The following MALRD1 variants were observed in gnomAD, a reference collection of about 807,000 sequenced individuals.
MALRD1 encodes the protein MAM and LDL-receptor class A domain-containing protein 1.
In MALRD1, 247 loss-of-function variants were observed where a neutral mutation model predicts 242.1. The observed-to-expected ratio is 1.02, with a 90% CI of 0.92 to 1.13. The LOEUF (loss-of-function observed/expected upper bound fraction) is 1.13. MALRD1 is among the 50% of genes most tolerant of loss of function. MALRD1 has a pLI of 0.00. For missense variants in MALRD1, 2,989 were observed against 2,533.1 expected (o/e 1.18, Z -3.86); for synonymous variants, 995 against 866.6 (o/e 1.15, Z -2.60).
intron 32 of MALRD1, among the ~76,000 whole-genome samples, chr10:19,560,420 T>C (rs568972055): frequency 1.4e-4 from 21 of 152,102 alleles, no homozygotes; most frequent in African/African-American, 5.1e-4. Flanking sequence ...GTGAGCCAAG[T>C]CTGCACCACT....
intron 38 of MALRD1, among the ~76,000 whole-genome samples, chr10:19,715,660 T>C (rs1205344478): frequency 6.6e-6 from 1 of 152,164 alleles, no homozygotes; most frequent in Admixed American, 6.5e-5. Flanking sequence ...GGGTGGGTAA[T>C]TTATAAAGAA....
intron 2 of MALRD1, among the ~76,000 whole-genome samples, chr10:19,081,478 G>A (rs1835489657): frequency 6.6e-6 from 1 of 152,044 alleles, no homozygotes; most frequent in African/African-American, 2.4e-5. Flanking sequence ...CACGGATAAA[G>A]CTGGAAACTG....
chr10:19,607,800 G>T lies in MALRD1; in HGVS notation c.5968G>T (p.Ala1990Ser), dbSNP rs760672326. 6.5e-7 allele frequency: 1 copy of T among 1,549,386 alleles called. No individual in the cohort carries two copies. The highest frequency in any genetic ancestry group is 1.2e-5 in the South Asian group (1 of 84,010). The change falls in exon 35 of 40, where the codon GCT (alanine) becomes TCT (serine). Residue 1990 changes from alanine (A) to serine (S), a missense_variant. Transcript: ENST00000454679. ...ICSNKSCSNGALVCASSNSCI... is the reference protein window; with the variant it reads ...ICSNKSCSNGSLVCASSNSCI... The stretch of plus-strand genomic sequence containing the variant: ...AGCCAACAAAAGCTGTTCTAATGGA[G>T]CTCTGGTGTGTGCCTCCTCCAACAG...
chr10:19,172,205 A>G (rs1195766871), intron 13 of MALRD1, among the ~76,000 whole-genome samples: 1 of 146,626 alleles, frequency 6.8e-6, no homozygotes, highest in East Asian at 2.0e-4. Flanking sequence ...ACATATATAT[A>G]TGTATATGTA....
At chr10:19,356,676 C>A (rs1203200682) in intron 26 of MALRD1, among the ~76,000 whole-genome samples, 1 of 151,986 alleles carries the variant, frequency 6.6e-6, no homozygotes, top group Admixed American at 6.6e-5. Flanking sequence ...CTATTGGTTA[C>A]CCCAGTGGAC....
chr10:19,730,516 G>A (rs1208270721), intron 38 of MALRD1, 190 bp from the exon 39 acceptor site: 4 of 654,118 alleles, frequency 6.1e-6, no homozygotes, highest in Middle Eastern at 4.1e-4. Context: ...TTTCCTGAAT[G>A]TGGTTGCCTT....
intron 12 of MALRD1, among the ~76,000 whole-genome samples, chr10:19,164,393 T>A (rs1588636323): frequency 6.6e-6 from 1 of 152,130 alleles, no homozygotes; most frequent in East Asian, 1.9e-4. Context: ...TTTATCAGTA[T>A]AAAAGCACAA....
At chr10:19,506,890 A>G (rs1219982368) in intron 31 of MALRD1, among the ~76,000 whole-genome samples, 1 of 152,132 alleles carries the variant, frequency 6.6e-6, no homozygotes. Context: ...CTATAAAGAA[A>G]TACCTGAGAC....
intron 29 of MALRD1, among the ~76,000 whole-genome samples, chr10:19,453,079 A>C (rs1196758277): frequency 6.6e-6 from 1 of 152,244 alleles, no homozygotes; most frequent in African/African-American, 2.4e-5. Context: ...TACAGTGGTC[A>C]TCATTATTAT....
intron 36 of MALRD1, among the ~76,000 whole-genome samples, chr10:19,678,595 T>C (rs890433905): frequency 2.0e-5 from 3 of 151,640 alleles, no homozygotes; most frequent in Admixed American, 6.6e-5. Context: ...TTTATAGATA[T>C]AGGATTATGT....
intron 15 of MALRD1, 30 bp downstream of exon 15, chr10:19,203,910 C>T (rs1836664142): frequency 6.5e-7 from 1 of 1,549,594 alleles, no homozygotes; most frequent in Non-Finnish European, 8.7e-7. Context: ...TCTACAACCA[C>T]TGCTATTTAC....
At chr10:19,649,742 G>A (rs141825271) in intron 36 of MALRD1, among the ~76,000 whole-genome samples, 1 of 151,854 alleles carries the variant, frequency 6.6e-6, no homozygotes, top group Non-Finnish European at 1.5e-5. Context: ...AGATACCATT[G>A]GTCAATTTTT....
intron 14 of MALRD1, among the ~76,000 whole-genome samples, chr10:19,180,748 C>T (rs10763880): frequency 0.3 from 45,777 of 151,876 alleles, 7,224 homozygotes; most frequent in Admixed American, 0.37. Context: ...GGCTTCTGCA[C>T]AGTAAAGGAA....
chr10:19,439,887 G>A lies in MALRD1; in HGVS notation c.4846-10420G>A, dbSNP rs149585718. ...TTTGGTCGTATACATTTTATAATAC[G>A]TGTGCTATTACTTCGAGTGTGTCAA... On this transcript the variant is annotated intron_variant, in intron 28 of 39. Transcript: ENST00000454679. Among the ~76,000 whole-genome samples the A allele has an allele frequency of 6.1e-3, 927 of 152,016 alleles. 14 individuals are homozygous for A. The highest frequency in any genetic ancestry group is 0.021 in the African/African-American group (889 of 41,450).
In MALRD1 at chr10:19,618,162, A is replaced by G. The variant is rs12412119; in HGVS notation, c.6137+2239A>G. On this transcript the variant is annotated intron_variant, in intron 36 of 39. Transcript: ENST00000454679. ...ATGTTCCTGCAAAGGACATGAATCT[A>G]ATTCTTTTTTTTAAGGCTGCATAGT... Among the ~76,000 whole-genome samples, 1,016 of 151,974 alleles carry G rather than the reference A, an allele frequency of 6.7e-3. 47 individuals carry two copies. The highest frequency in any genetic ancestry group is 0.061 in the Admixed American group (928 of 15,226).
chr10:19,380,552 T>C (rs1845793465), intron 26 of MALRD1, among the ~76,000 whole-genome samples: 1 of 152,128 alleles, frequency 6.6e-6, no homozygotes, highest in African/African-American at 2.4e-5. Context: ...ATTTACTGTT[T>C]CTCTTAATTC....
At chr10:19,696,043 A>G (rs921964957) in intron 38 of MALRD1, among the ~76,000 whole-genome samples, 1 of 152,152 alleles carries the variant, frequency 6.6e-6, no homozygotes, top group African/African-American at 2.4e-5. Context: ...GCTGAACCAT[A>G]TCACATAGGG....
intron 18 of MALRD1, among the ~76,000 whole-genome samples, chr10:19,210,030 C>T (rs1315577978): frequency 2.0e-5 from 3 of 152,098 alleles, no homozygotes; most frequent in African/African-American, 7.2e-5. Flanking sequence ...ACACTGAAAT[C>T]TGTGATTTTG....
At chr10:19,704,130 T>TC (rs1311015452) in intron 38 of MALRD1, among the ~76,000 whole-genome samples, 1 of 151,656 alleles carries the variant, frequency 6.6e-6, no homozygotes, top group Non-Finnish European at 1.5e-5. Context: ...AAATCAGAAT[T>TC]TTTTTTTAGC....
Sources: gnomAD v4.1 joint callset for allele counts (sites outside exome capture counted in the v4.1 genomes callset) on GRCh38, gnomAD v4.1.1 for gene constraint, MANE v1.5 for transcripts, NCBI Gene and HGNC (gene_info 2026-07-23, HGNC 2026-07-21) for gene names.